Variants in NPC1 observed in about 807,000 individuals in gnomAD.
The protein encoded by NPC1 is NPC intracellular cholesterol transporter 1.
Under a neutral mutation model 140.4 loss-of-function variants are expected in NPC1, and 85 were observed. That is an observed-to-expected ratio of 0.61 (90% CI 0.51 to 0.72). The LOEUF (loss-of-function observed/expected upper bound fraction) is 0.72. Ranked by LOEUF, NPC1 falls within the 30% of genes least tolerant of loss-of-function variation. The pLI, the probability that NPC1 is intolerant of heterozygous loss-of-function variation, is 0.00. For missense variants in NPC1, 1,504 were observed against 1,623.8 expected (o/e 0.93, Z 1.27); for synonymous variants, 656 against 624.8 (o/e 1.05, Z -0.74).
At chr18:23,532,874 T>C (rs1278688408) in intron 24 of NPC1, 2 of 985,258 alleles carry the variant, frequency 2.0e-6, no homozygotes, top group African/African-American at 1.7e-5. Flanking sequence ...CGTGGGTCAT[T>C]TTTGTGCAAG....
intron 1 of NPC1, among the ~76,000 whole-genome samples, chr18:23,583,498 G>T (rs1332151685): frequency 6.6e-6 from 1 of 152,054 alleles, no homozygotes; most frequent in African/African-American, 2.4e-5. Flanking sequence ...TGGAAGATGG[G>T]CAGGATTTTG....
Position 23,560,457 on chromosome 18 carries a change from G to C in NPC1, c.655C>G (p.Pro219Ala). The C allele has an allele frequency of 6.2e-7, 1 of 1,614,094 alleles. No homozygotes were observed. Among genetic ancestry groups the C allele is most frequent in the East Asian group, 2.2e-5 (1 of 44,886 alleles). Residue 219 changes from proline (P) to alanine (A), a missense_variant, in exon 6 of 25, where the codon CCC becomes GCC. Coordinates refer to ENST00000269228, the MANE Select transcript of NPC1 (RefSeq NM_000271.5). The stretch of plus-strand genomic sequence containing the variant: ...CAGCCTTTGGTGGCATTGTTCATGG[G>C]CTCCATCCCATGGACTGGAAAATCT... ...FSDFPVHGME[P>A]MNNATKGCDE...
chr18:23,515,931 G>T, intron 3 of NPC1: 1 of 1,614,106 alleles, frequency 6.2e-7, no homozygotes, highest in Non-Finnish European at 8.5e-7. Flanking sequence ...GTACTGCCCC[G>T]AGAGCGCCGT....
rs755143457 is a variant in NPC1 at position 23,538,632 on chromosome 18, G to A, written c.2951C>T (p.Pro984Leu). Residue 984 changes from proline to leucine, a missense_variant, in exon 20 of 25, where the codon CCG (proline) becomes CTG (leucine). Pro to Leu is a moderately conservative substitution (Grantham distance 98, BLOSUM62 -3). Coordinates refer to ENST00000269228, the MANE Select transcript of NPC1 (RefSeq NM_000271.5). ...CCCCTGAGGCCTCTGTTTGCCTTCC[G>A]GAGTCAGAGGCCTGCAGCGAACGCA... Reference protein sequence around the residue: ...PACVRCRPLTPEGKQRPQGGD... With the variant: ...PACVRCRPLTLEGKQRPQGGD... The A allele has an allele frequency of 1.1e-5, 18 of 1,614,150 alleles. No homozygotes were observed. Among genetic ancestry groups the A allele is most frequent in the Admixed American group, 5.0e-5 (3 of 60,016 alleles).
downstream of NPC1, chr18:23,520,152 G>A: frequency 7.0e-7 from 1 of 1,433,262 alleles, no homozygotes; most frequent in Non-Finnish European, 9.8e-7. Flanking sequence ...GAAAGCAACT[G>A]GGCAAACCAT....
chr18:23,529,640 G>C, downstream of NPC1: 1 of 1,614,018 alleles, frequency 6.2e-7, no homozygotes, highest in Non-Finnish European at 8.5e-7. Flanking sequence ...CCTAGGAGAT[G>C]CCTCATAAAT....
intron 6 of NPC1, among the ~76,000 whole-genome samples, chr18:23,559,035 C>T (rs2058997118): frequency 6.6e-6 from 1 of 152,308 alleles, no homozygotes; most frequent in Middle Eastern, 3.4e-3. Context: ...ATCCAAGTCC[C>T]TACAAAGGAC....
At chr18:23,543,861 T>C (rs969439536) in intron 13 of NPC1, among the ~76,000 whole-genome samples, 2 of 152,186 alleles carry the variant, frequency 1.3e-5, no homozygotes, top group Non-Finnish European at 2.9e-5. Context: ...CACTCTCACG[T>C]GCACTGAGTC....
At position 23,531,660 on chromosome 18, in the gene NPC1, C is replaced by CAGATTTTT; in HGVS notation, c.*534_*541dup. 6.2e-7 allele frequency: 1 copy of CAGATTTTT among 1,613,054 alleles called. No individual in the cohort carries two copies. The highest frequency in any genetic ancestry group is 8.5e-7 in the Non-Finnish European group (1 of 1,179,804). The stretch of plus-strand genomic sequence containing the variant: ...TGAAGAACATGTTGCTTTTTTCAAA[C>CAGATTTTT]AGATTTTTGGAGACCAAGCTCTAAT... On this transcript the variant is annotated 3_prime_UTR_variant, in exon 25 of 25. Transcript: ENST00000269228.
At chr18:23,524,941 C>CTTTT (rs5823396), downstream of NPC1, among the ~76,000 whole-genome samples, 210 of 69,194 alleles carry the variant, frequency 3.0e-3, no homozygotes, top group African/African-American at 5.0e-3. Context: ...TTAGAGAAAT[C>CTTTT]TTTTTTTTTT....
intron 24 of NPC1, among the ~76,000 whole-genome samples, chr18:23,532,695 C>CTTTTTTTTTTT (rs61493442): frequency 7.3e-6 from 1 of 136,840 alleles, no homozygotes; most frequent in Non-Finnish European, 1.5e-5. Flanking sequence ...GTGCTCATCT[C>CTTTTTTTTTTT]TTTTTTTTTT....
At chr18:23,553,077 G>A (rs1340815826) in intron 9 of NPC1, among the ~76,000 whole-genome samples, 1 of 152,200 alleles carries the variant, frequency 6.6e-6, no homozygotes, top group East Asian at 1.9e-4. Flanking sequence ...GGGGTTATGA[G>A]GACGCGCACA....
chr18:23,532,730 T>A (rs2058554418), intron 24 of NPC1, among the ~76,000 whole-genome samples: 1 of 148,546 alleles, frequency 6.7e-6, no homozygotes, highest in African/African-American at 2.5e-5. Flanking sequence ...GGAACTAGTA[T>A]ATTAGATTGT....
chr18:23,539,749 C>T, intron 18 of NPC1, 62 bp downstream of exon 18: 1 of 1,549,454 alleles, frequency 6.5e-7, no homozygotes. Context: ...CAGGCCTGAG[C>T]TGACTGCCTG....
downstream of NPC1, chr18:23,529,050 A>G (rs1598914254): frequency 4.2e-6 from 6 of 1,432,624 alleles, no homozygotes; most frequent in Non-Finnish European, 3.7e-6. Context: ...AGTTGTATCT[A>G]AGTAGAGAAA....
downstream of NPC1, chr18:23,520,226 T>A (rs1567924388): frequency 6.2e-7 from 1 of 1,614,104 alleles, no homozygotes; most frequent in Non-Finnish European, 8.5e-7. Context: ...CGATATCAAG[T>A]TACGGGGAGA....
intron 11 of NPC1, among the ~76,000 whole-genome samples, chr18:23,547,671 G>A (rs2058808213): frequency 6.6e-6 from 1 of 152,196 alleles, no homozygotes; most frequent in Admixed American, 6.5e-5. Flanking sequence ...GAGCCTAGGA[G>A]GTTGAGGCTG....
At chr18:23,540,978 A>T (rs920853825) in intron 16 of NPC1, 90 bp downstream of exon 16, 19 of 1,431,690 alleles carry the variant, frequency 1.3e-5, no homozygotes, top group Admixed American at 1.7e-5. Context: ...AGCTTTAAGA[A>T]TCTCCTTCCC....
Position 23,547,777 on chromosome 18 carries a change from C to CT in NPC1, c.1757+228dup, listed in dbSNP as rs569500811. On this transcript the variant is annotated intron_variant, in intron 11 of 24. Transcript: ENST00000269228. ...AATAAGTAAAAACAATGCAAGGAAC[C>CT]TTTTTTTGCACACTTTTGCATTCCT... Among the ~76,000 whole-genome samples, 175 of 152,228 alleles carry CT rather than the reference C, an allele frequency of 1.1e-3. 1 individual carries two copies. The highest frequency in any genetic ancestry group is 4.0e-3 in the African/African-American group (165 of 41,548).
Sources: allele counts gnomAD v4.1 joint callset (sites outside exome capture counted in the v4.1 genomes callset), GRCh38; gene constraint gnomAD v4.1.1; transcripts MANE v1.5; gene names NCBI Gene and HGNC (gene_info 2026-07-23, HGNC 2026-07-21).